The following TPP2 variants were observed in gnomAD, a reference collection of about 807,000 sequenced individuals.
TPP2 encodes tripeptidyl-peptidase 2.
In TPP2, 34 loss-of-function variants were observed where a neutral mutation model predicts 155.9. That is an observed-to-expected ratio of 0.22 (90% CI 0.17 to 0.29). The LOEUF is 0.29. Among genes scored for constraint, TPP2 ranks in the 10% least tolerant of loss-of-function variants. The pLI is 1.00. For synonymous variants in TPP2, 510 were observed against 529.4 expected (o/e 0.96, Z 0.50); for missense variants, 1,028 against 1,522.3 (o/e 0.68, Z 5.40).
intron 28 of TPP2, among the ~76,000 whole-genome samples, chr13:102,675,547 A>G (rs678994): frequency 0.65 from 98,223 of 152,126 alleles, 33,061 homozygotes; most frequent in African/African-American, 0.86. Flanking sequence ...CTATGTGCCA[A>G]ACACTACTTA....
At chr13:102,654,396 C>T (rs1883709445) in intron 24 of TPP2, among the ~76,000 whole-genome samples, 1 of 152,010 alleles carries the variant, frequency 6.6e-6, no homozygotes, top group African/African-American at 2.4e-5. Flanking sequence ...CTTTCTTTGT[C>T]TCTTTTTTTG....
intron 4 of TPP2, among the ~76,000 whole-genome samples, chr13:102,617,316 A>G (rs892293989): frequency 2.6e-5 from 4 of 152,182 alleles, no homozygotes; most frequent in African/African-American, 9.7e-5. Context: ...TTGTTTCAAA[A>G]CATGGGAGGG....
At chr13:102,604,116 G>T (rs1879632923) in intron 1 of TPP2, among the ~76,000 whole-genome samples, 2 of 152,142 alleles carry the variant, frequency 1.3e-5, no homozygotes, top group South Asian at 4.1e-4. Flanking sequence ...CAGGTGGTGG[G>T]GGGCATGTTA....
chr13:102,650,777 T>G (rs1399782498), intron 23 of TPP2, among the ~76,000 whole-genome samples: 1 of 152,178 alleles, frequency 6.6e-6, no homozygotes, highest in Non-Finnish European at 1.5e-5. Flanking sequence ...TAGGAGACAA[T>G]TGTGAAATTA....
At chr13:102,607,750 C>T in intron 2 of TPP2, 3 of 388,040 alleles carry the variant, frequency 7.7e-6, no homozygotes, top group South Asian at 1.8e-5. Flanking sequence ...TGACACTTGG[C>T]TAATTTTTTT....
intron 10 of TPP2, 61 bp from the exon 11 acceptor site, chr13:102,633,889 A>G: frequency 1.9e-6 from 3 of 1,605,472 alleles, no homozygotes; most frequent in Non-Finnish European, 2.6e-6. Flanking sequence ...GTCGTCTTAA[A>G]AATGCCCATG....
Position 102,601,120 on chromosome 13 carries a change from T to A in TPP2, c.166-3673T>A, listed in dbSNP as rs576996160. Among the ~76,000 whole-genome samples, 140 of 152,298 alleles carry A rather than the reference T, an allele frequency of 9.2e-4. No individual in the cohort carries two copies. The Middle Eastern group carries it at 0.014, about 15-fold the overall frequency. ...TTACCCAGACTGGCCTGACCTCTAT[T>A]ATTTGTTGTCCTGTTTTGTCATCAT... On this transcript the variant is annotated intron_variant, in intron 1 of 29. Transcript: ENST00000376052.
chr13:102,661,033 G>C (rs778691641), intron 25 of TPP2, among the ~76,000 whole-genome samples: 1 of 152,038 alleles, frequency 6.6e-6, no homozygotes, highest in African/African-American at 2.4e-5. Context: ...TCAATGAGAC[G>C]TAGTGGTAAA....
At chr13:102,605,132 C>CACAGTT (rs1879724196) in intron 2 of TPP2, among the ~76,000 whole-genome samples, 3 of 97,360 alleles carry the variant, frequency 3.1e-5, no homozygotes, top group South Asian at 2.8e-4. Flanking sequence ...GGGTTCCAGT[C>CACAGTT]GCCCTGGAGG....
At chr13:102,613,887 T>G (rs934810003) in intron 2 of TPP2, among the ~76,000 whole-genome samples, 1 of 152,224 alleles carries the variant, frequency 6.6e-6, no homozygotes, top group Non-Finnish European at 1.5e-5. Context: ...TAAATGAAGG[T>G]ATTATTCTAG....
intron 5 of TPP2, among the ~76,000 whole-genome samples, chr13:102,620,261 G>GT (rs1881058399): frequency 6.6e-6 from 1 of 152,228 alleles, no homozygotes; most frequent in African/African-American, 2.4e-5. Flanking sequence ...TATTCTAAGG[G>GT]TTTTGTTTAG....
rs374220714 is a variant in TPP2 at position 102,637,068 on chromosome 13, C to A, written c.1679-14C>A. 1 of 1,561,746 alleles carries A rather than the reference C, an allele frequency of 6.4e-7. No individual in the cohort carries two copies. Among genetic ancestry groups the A allele is most frequent in the Non-Finnish European group, 8.6e-7 (1 of 1,161,162 alleles). On this transcript the variant is annotated splice_polypyrimidine_tract_variant and intron_variant, in intron 13 of 29. Coordinates refer to ENST00000376052, the MANE Select transcript of TPP2 (RefSeq NM_001330588.2). ...AAAATACTCATCTTTAATTTTTGGT[C>A]TTTTTCGTGCCAGAAAACTCTGAAA...
chr13:102,677,688 T>A (rs35722492), intron 29 of TPP2, among the ~76,000 whole-genome samples: 47,886 of 152,152 alleles, frequency 0.31, 7,871 homozygotes, highest in Non-Finnish European at 0.38. Context: ...AACTGGAGTA[T>A]CACCTCCATA....
At chr13:102,598,365 G>A (rs1404900696) in intron 1 of TPP2, among the ~76,000 whole-genome samples, 1 of 152,062 alleles carries the variant, frequency 6.6e-6, no homozygotes, top group Non-Finnish European at 1.5e-5. Context: ...GATTATTGAG[G>A]TAGCATTTTG....
At chr13:102,616,025 C>T (rs999099017) in intron 3 of TPP2, among the ~76,000 whole-genome samples, 2 of 151,704 alleles carry the variant, frequency 1.3e-5, no homozygotes, top group Non-Finnish European at 2.9e-5. Context: ...GGCTCAATCT[C>T]TGCTCACTGC....
chr13:102,635,719 G>T lies in TPP2; in HGVS notation c.1509+17G>T. 1 of 1,570,190 alleles carries T rather than the reference G, an allele frequency of 6.4e-7. No homozygotes were observed. The highest frequency in any genetic ancestry group is 1.1e-5 in the South Asian group (1 of 89,200). On this transcript the variant is annotated intron_variant, in intron 12 of 29. Coordinates refer to ENST00000376052, the MANE Select transcript of TPP2 (RefSeq NM_001330588.2). ...ATTATTCAGGTATTGTTGCCTATAT[G>T]AAAAATGGGTTGTAAAGCATCATTG... is the stretch of plus-strand genomic sequence containing the variant.
In TPP2 at chr13:102,616,476, T is replaced by G; in HGVS notation, c.471T>G (p.Asp157Glu). The change falls in exon 4 of 30, where the codon GAT becomes GAG. Residue 157 changes from aspartate to glutamate, a missense_variant. By Grantham distance (45) the Asp-to-Glu change is conservative (BLOSUM62 2). Around this residue, in one of 7 missense-constraint regions of TPP2, gnomAD observed 300 missense variants for 398.3 expected, o/e 0.75. Coordinates refer to ENST00000376052, the MANE Select transcript of TPP2 (RefSeq NM_001330588.2). The part of the protein sequence containing the change: ...AEACRKQEEF[D>E]VANNGSSQAN... The stretch of plus-strand genomic sequence containing the variant: ...CCTGTAGAAAACAGGAAGAATTTGA[T>G]GTTGCCAACAACGGCTCTTCTCAAG... The G allele has an allele frequency of 6.2e-7, 1 of 1,612,148 alleles. No homozygotes were observed. The highest frequency in any genetic ancestry group is 8.5e-7 in the Non-Finnish European group (1 of 1,179,000).
chr13:102,676,413 C>A lies in TPP2; in HGVS notation c.3697C>A (p.Gln1233Lys). Residue 1233 changes from glutamine (Q) to lysine (K), a missense_variant and splice_region_variant, in exon 29 of 30, where the codon CAA (glutamine) becomes AAA (lysine). By Grantham distance (53) the Gln-to-Lys change is moderately conservative (BLOSUM62 1). Transcript: ENST00000376052. ...AAAAGAAAACTGGAAAAATTGTATTCAAGTAAGTGATATTTAAAATGTCAC... is the reference window on the plus strand; with the variant it reads ...AAAAGAAAACTGGAAAAATTGTATTAAAGTAAGTGATATTTAAAATGTCAC... Reference protein sequence around the residue: ...PTKENWKNCIQLMKLLGWTHC... With the variant: ...PTKENWKNCIKLMKLLGWTHC... The A allele has an allele frequency of 6.2e-7, 1 of 1,608,554 alleles. No individual in the cohort carries two copies. The highest frequency in any genetic ancestry group is 1.1e-5 in the South Asian group (1 of 90,736).
intron 16 of TPP2, among the ~76,000 whole-genome samples, chr13:102,640,809 G>A (rs1283011245): frequency 6.6e-6 from 1 of 151,698 alleles, no homozygotes; most frequent in Non-Finnish European, 1.5e-5. Flanking sequence ...GTGCTACCAC[G>A]CCAGGCTATT....
Sources: gnomAD v4.1 joint callset for allele counts (sites outside exome capture counted in the v4.1 genomes callset) on GRCh38, gnomAD v4.1.1 for gene constraint, gnomAD v4.1.1 regional missense constraint, MANE v1.5 for transcripts, NCBI Gene and HGNC (gene_info 2026-07-23, HGNC 2026-07-21) for gene names.